Variants in CEP170B observed in about 807,000 individuals in gnomAD.
CEP170B encodes centrosomal protein of 170 kDa protein B.
CEP170B carries 55 observed loss-of-function variants against 120.6 expected under a neutral mutation model. The observed-to-expected ratio is 0.46, with a 90% confidence interval of 0.37 to 0.57. The LOEUF is 0.57. Among genes scored for constraint, CEP170B ranks in the 20% least tolerant of loss-of-function variants. The pLI is 0.00. For synonymous variants in CEP170B, 1,033 were observed against 954.5 expected (o/e 1.08, Z -1.52); for missense variants, 2,212 against 2,253.3 (o/e 0.98, Z 0.37).
rs1208856593 is a variant in CEP170B at position 104,870,584 on chromosome 14, C to T, written c.105+2029C>T. 6.6e-6 allele frequency among the ~76,000 whole-genome samples: 1 copy of T among 152,170 alleles called. No homozygotes were observed. The highest frequency in any genetic ancestry group is 1.5e-5 in the Non-Finnish European group (1 of 68,022). On this transcript the variant is annotated intron_variant, in intron 2 of 18. Coordinates refer to ENST00000414716, the MANE Select transcript of CEP170B (RefSeq NM_001112726.3). The surrounding 1 kb of genome is among the most constrained non-coding windows in gnomAD (Gnocchi z 4.1). ...CAGGCAGGGGACTGGTGTGGGTGCT[C>T]TTCCTGCCCCACCCCTGCACCAGGC...
At chr14:104,875,156 G>A (rs1464845221) in intron 2 of CEP170B, among the ~76,000 whole-genome samples, 1 of 152,224 alleles carries the variant, frequency 6.6e-6, no homozygotes, top group Non-Finnish European at 1.5e-5. Flanking sequence ...GAGGGGCCCA[G>A]GCTCTCACCT....
At position 104,887,741 on chromosome 14, in the gene CEP170B, G is replaced by A. The variant is rs889599310; in HGVS notation, c.3502G>A (p.Asp1168Asn). The A allele has an allele frequency of 1.3e-6, 2 of 1,582,822 alleles. No individual in the cohort carries two copies. Among genetic ancestry groups the A allele is most frequent in the Non-Finnish European group, 8.6e-7 (1 of 1,165,528 alleles). ...AEQAKKLSRL[D>N]ILAMPRKRAG... ...GCAGGCCAAGAAGCTGTCACGCCTG[G>A]ACATCCTGGCCATGCCCCGGAAGCG... The change falls in exon 12 of 19, where the codon GAC (aspartate) becomes AAC (asparagine). Residue 1168 changes from aspartate to asparagine, a missense_variant. Coordinates refer to ENST00000414716, the MANE Select transcript of CEP170B (RefSeq NM_001112726.3).
At position 104,894,756 on chromosome 14, in the gene CEP170B, C is replaced by T. The variant is rs764374233; in HGVS notation, c.4463C>T (p.Thr1488Ile). 4 of 1,600,330 alleles carry T rather than the reference C, an allele frequency of 2.5e-6. No individual in the cohort carries two copies. In the African/African-American group the frequency reaches 4.0e-5, roughly 16 times the overall value. Residue 1488 changes from threonine to isoleucine, a missense_variant, in exon 19 of 19, where the codon ACA becomes ATA. This residue lies in a region of CEP170B where 2,166 missense variants were observed against 2,166.7 expected (regional missense o/e 1.00). Coordinates refer to ENST00000414716, the MANE Select transcript of CEP170B (RefSeq NM_001112726.3). ...VDPSGSLDLL[T>I]GNRSLASSAQ... The stretch of plus-strand genomic sequence containing the variant: ...CCCAGTGGGAGCCTGGACCTGCTCA[C>T]AGGAAACAGGAGCTTGGCCAGCTCT...
intron 13 of CEP170B, 135 bp from the exon 14 acceptor site, chr14:104,892,841 C>A: frequency 1.0e-6 from 1 of 973,070 alleles, no homozygotes; most frequent in Non-Finnish European, 1.6e-6. Flanking sequence ...TGGGGCCAGG[C>A]TGGGGAGCAC....
intron 2 of CEP170B, among the ~76,000 whole-genome samples, chr14:104,871,855 C>A (rs977231591): frequency 2.6e-5 from 4 of 152,144 alleles, no homozygotes; most frequent in Non-Finnish European, 5.9e-5. Context: ...GCAAGAGGGG[C>A]GGTAGCTTGG....
At position 104,892,892 on chromosome 14, in the gene CEP170B, C is replaced by A. The variant is rs1002550782; in HGVS notation, c.3879-84C>A. On this transcript the variant is annotated intron_variant, in intron 13 of 18. Coordinates refer to ENST00000414716, the MANE Select transcript of CEP170B (RefSeq NM_001112726.3). ...CCTCTGGCCAGCAGCTGCCTGGGAG[C>A]TGGGAGGGGCTTTGAGGCCTGTCTG... The A allele has an allele frequency of 1.8e-5, 26 of 1,445,336 alleles. No homozygotes were observed. In the Middle Eastern group the frequency reaches 6.7e-4, roughly 37 times the overall value. 89.5% of individuals were successfully genotyped at this position (1,445,336 alleles called of 1,614,324 possible). A position where few individuals can be genotyped will look rare whatever the true frequency, so the allele number is the denominator to read the frequency against.
chr14:104,890,458 GTGGATGGA>G (rs1284738866), intron 13 of CEP170B, among the ~76,000 whole-genome samples: 3 of 140,610 alleles, frequency 2.1e-5, no homozygotes, highest in Non-Finnish European at 3.1e-5. Flanking sequence ...GAGTGGGTGG[GTGGATGGA>G]TGGATGGATG....
In CEP170B at chr14:104,868,776, T is replaced by A. The variant is rs1449839339; in HGVS notation, c.105+221T>A. ...GTGTGTGCTCACAGGCTCGGGTCCCTGCCCCGTACGTATCCCTGTCTCTGA... is the reference window on the plus strand; with the variant it reads ...GTGTGTGCTCACAGGCTCGGGTCCCAGCCCCGTACGTATCCCTGTCTCTGA... On this transcript the variant is annotated intron_variant, in intron 2 of 18. Coordinates refer to ENST00000414716, the MANE Select transcript of CEP170B (RefSeq NM_001112726.3). This position sits in a 1 kb window ranked among gnomAD's most constrained non-coding sequence, Gnocchi z 5.9. 6.6e-6 allele frequency among the ~76,000 whole-genome samples: 1 copy of A among 152,170 alleles called. No individual in the cohort carries two copies. Among genetic ancestry groups the A allele is most frequent in the Non-Finnish European group, 1.5e-5 (1 of 68,006 alleles).
chr14:104,881,602 G>A (rs1348778478), intron 6 of CEP170B, among the ~76,000 whole-genome samples: 3 of 152,210 alleles, frequency 2.0e-5, no homozygotes, highest in Non-Finnish European at 4.4e-5. Flanking sequence ...CATGCAGCTG[G>A]TGACAGCCAG....
intron 13 of CEP170B, among the ~76,000 whole-genome samples, chr14:104,890,312 G>A (rs1488620056): frequency 1.4e-5 from 2 of 144,774 alleles, no homozygotes; most frequent in Admixed American, 6.8e-5. Context: ...ATGGGTGAGT[G>A]GGTGGGTGGG....
chr14:104,872,202 G>T lies in CEP170B; in HGVS notation c.105+3647G>T, dbSNP rs185406481. ...GTGTGTGTGCTGTGTGTGTGCCGTGGGTGTGCGTGTGTGTACCATGGGTGT... is the reference window on the plus strand; with the variant it reads ...GTGTGTGTGCTGTGTGTGTGCCGTGTGTGTGCGTGTGTGTACCATGGGTGT... On this transcript the variant is annotated intron_variant, in intron 2 of 18. Coordinates refer to ENST00000414716, the MANE Select transcript of CEP170B (RefSeq NM_001112726.3). Among the ~76,000 whole-genome samples the T allele has an allele frequency of 2.0e-3, 284 of 138,746 alleles. 2 individuals carry two copies. The highest frequency in any genetic ancestry group is 7.4e-3 in the African/African-American group (270 of 36,484). 91.0% of individuals were successfully genotyped at this position (138,746 alleles called of 152,430 possible). A position where few individuals can be genotyped will look rare whatever the true frequency, so the allele number is the denominator to read the frequency against.
At chr14:104,875,999 C>T (rs868373562) in intron 2 of CEP170B, among the ~76,000 whole-genome samples, 5 of 152,260 alleles carry the variant, frequency 3.3e-5, no homozygotes, top group African/African-American at 9.6e-5. Context: ...CCAGCACTCC[C>T]ACGGCCCAGC....
rs1465805979 is a variant in CEP170B at position 104,887,144 on chromosome 14, A to G, written c.2905A>G (p.Ser969Gly). 6.2e-7 allele frequency: 1 copy of G among 1,609,574 alleles called. No individual in the cohort carries two copies. The highest frequency in any genetic ancestry group is 1.1e-5 in the South Asian group (1 of 91,050). ...ASTVSLRSGK[S>G]GPSPTTPQPL... ...CACCGTCAGCCTGCGTAGTGGCAAG[A>G]GCGGGCCCAGCCCCACAACCCCCCA... The change falls in exon 12 of 19, where the codon AGC becomes GGC. Residue 969 changes from serine (S) to glycine (G), a missense_variant. Transcript: ENST00000414716.
chr14:104,873,071 C>T (rs1395251634), intron 2 of CEP170B, among the ~76,000 whole-genome samples: 1 of 151,984 alleles, frequency 6.6e-6, no homozygotes, highest in African/African-American at 2.4e-5. Flanking sequence ...TGAGGGGCTG[C>T]TTCTGGTTGG....
chr14:104,893,044 G>T lies in CEP170B; in HGVS notation c.3947G>T (p.Gly1316Val), dbSNP rs910979911. Residue 1316 changes from glycine to valine, a missense_variant, in exon 14 of 19, where the codon GGT (glycine) becomes GTT (valine). This residue lies in a region of CEP170B where 2,166 missense variants were observed against 2,166.7 expected (regional missense o/e 1.00). Transcript: ENST00000414716. ...AQEIHDVAGDGDTLGSSEPAH... is the reference protein window; with the variant it reads ...AQEIHDVAGDVDTLGSSEPAH... ...GAGATCCACGATGTGGCTGGGGACG[G>T]TGACACACTGGGCTCCTCGGAGCCT... is the stretch of plus-strand genomic sequence containing the variant. 27 of 1,594,930 alleles carry T rather than the reference G, an allele frequency of 1.7e-5. No individual in the cohort carries two copies. Among genetic ancestry groups the T allele is most frequent in the Non-Finnish European group, 2.2e-5 (26 of 1,172,512 alleles).
chr14:104,880,125 C>A (rs977831913), intron 5 of CEP170B, among the ~76,000 whole-genome samples, 162 bp from the exon 6 acceptor site: 3 of 152,164 alleles, frequency 2.0e-5, no homozygotes, highest in Non-Finnish European at 4.4e-5. Context: ...GTTACCTGGG[C>A]AGGCTGAGGC....
intron 6 of CEP170B, 51 bp from the exon 7 acceptor site, chr14:104,882,677 C>A: frequency 6.7e-7 from 1 of 1,483,002 alleles, no homozygotes; most frequent in Admixed American, 1.9e-5. Context: ...CTCTGCTTTT[C>A]ACACTGGGGG....
At chr14:104,880,449 G>A in intron 6 of CEP170B, 24 bp downstream of exon 6, 2 of 1,607,554 alleles carry the variant, frequency 1.2e-6, no homozygotes, top group Non-Finnish European at 1.7e-6. Flanking sequence ...GTGCGGATGG[G>A]GTGAGCACAC....
chr14:104,868,431 C>T lies in CEP170B; in HGVS notation c.-20C>T, dbSNP rs1362715863. 3 of 1,546,436 alleles carry T rather than the reference C, an allele frequency of 1.9e-6. No homozygotes were observed. Among genetic ancestry groups the T allele is most frequent in the African/African-American group, 1.4e-5 (1 of 73,070 alleles). ...CAATCCCCTCTTCCCCAGGGCCAGA[C>T]GGGCCCAGCCAGCACCAAGATGAGT... On this transcript the variant is annotated 5_prime_UTR_variant, in exon 2 of 19. The change creates a new upstream start codon in the 5' untranslated region. Transcript: ENST00000414716. This position sits in a 1 kb window ranked among gnomAD's most constrained non-coding sequence, Gnocchi z 5.9.
Sources: allele counts gnomAD v4.1 joint callset (sites outside exome capture counted in the v4.1 genomes callset), GRCh38; gene constraint gnomAD v4.1.1; regional missense constraint gnomAD v4.1.1; non-coding constraint Gnocchi (gnomAD v3.1); transcripts MANE v1.5; gene names NCBI Gene and HGNC (gene_info 2026-07-23, HGNC 2026-07-21).